The following NAP1L4 variants were observed in gnomAD, a reference collection of about 807,000 sequenced individuals.
NAP1L4 encodes nucleosome assembly protein 1-like 4.
NAP1L4 carries 15 observed loss-of-function variants against 58.2 expected under a neutral mutation model. That is an observed-to-expected ratio of 0.26 (90% CI 0.17 to 0.40). NAP1L4 has a LOEUF of 0.40. Among genes scored for constraint, NAP1L4 ranks in the 10% least tolerant of loss-of-function variants. The pLI is 1.00. For synonymous variants in NAP1L4, 171 were observed against 155.6 expected (o/e 1.10, Z -0.74); for missense variants, 384 against 451.1 (o/e 0.85, Z 1.35).
intron 7 of NAP1L4, among the ~76,000 whole-genome samples, chr11:2,966,153 A>C (rs1357759386): frequency 6.6e-6 from 1 of 152,152 alleles, no homozygotes; most frequent in African/African-American, 2.4e-5. Flanking sequence ...AGTTGCATTA[A>C]GTTTTTCTTA....
At chr11:2,968,347 G>A (rs1286959686) in intron 7 of NAP1L4, among the ~76,000 whole-genome samples, 2 of 152,140 alleles carry the variant, frequency 1.3e-5, no homozygotes, top group Middle Eastern at 3.2e-3. Context: ...TGAGACTACG[G>A]CTCTGGTAGA....
chr11:2,988,116 G>C lies in NAP1L4; in HGVS notation c.-18+4138C>G, dbSNP rs61871248. On this transcript the variant is annotated intron_variant, in intron 1 of 15. Transcript: ENST00000380542. ...AGACTGTCTCTTCAGAGACTTCTGC[G>C]GTGCCAAGCCCTGGGGTTTCAAGAA... 3.9e-5 allele frequency: 6 copies of C among 152,196 alleles called. No individual in the cohort carries two copies. In the East Asian group the frequency reaches 9.6e-4, roughly 24 times the overall value. 9.4% of individuals were successfully genotyped at this position (152,196 alleles called of 1,614,324 possible).
intron 4 of NAP1L4, among the ~76,000 whole-genome samples, chr11:2,974,987 G>C (rs373209770): frequency 1.3e-5 from 2 of 151,994 alleles, no homozygotes; most frequent in African/African-American, 4.8e-5. Flanking sequence ...CTGGATGACA[G>C]AGCAAGAGTC....
Position 2,964,687 on chromosome 11 carries a change from TGTC to T in NAP1L4, c.596_598del (p.Gly199_Gln200delinsGlu). ...GGTCAAGTCAGTACTCACCATAGGC[TGTC>T]CAGGGTCAGAAAATTTCACTTTAAT... On this transcript the variant is annotated inframe_deletion, in exon 8 of 16. Coordinates refer to ENST00000380542, the MANE Select transcript of NAP1L4 (RefSeq NM_005969.4). The T allele has an allele frequency of 6.2e-7, 1 of 1,613,708 alleles. No individual in the cohort carries two copies. Among genetic ancestry groups the T allele is most frequent in the South Asian group, 1.1e-5 (1 of 91,064 alleles).
rs1846498893 is a variant in NAP1L4, at chr11:2,955,722, G to C, written c.915+22C>G. The C allele has an allele frequency of 1.2e-6, 2 of 1,608,184 alleles. No individual in the cohort carries two copies. Among genetic ancestry groups the C allele is most frequent in the Non-Finnish European group, 1.7e-6 (2 of 1,175,886 alleles). ...AGGAGAGACTTCAACAGGAAAATAAGACTATTAACAACAAATCTTACCAGT... is the reference window on the plus strand; with the variant it reads ...AGGAGAGACTTCAACAGGAAAATAACACTATTAACAACAAATCTTACCAGT... On this transcript the variant is annotated intron_variant, in intron 11 of 15. Coordinates refer to ENST00000380542, the MANE Select transcript of NAP1L4 (RefSeq NM_005969.4). This position sits in a 1 kb window ranked among gnomAD's most constrained non-coding sequence, Gnocchi z 4.2.
intron 6 of NAP1L4, 84 bp from the exon 7 acceptor site, chr11:2,970,018 C>T: frequency 7.2e-7 from 1 of 1,383,906 alleles, no homozygotes. Flanking sequence ...GTTGCCGAAT[C>T]CTCTACTATC....
chr11:2,984,797 ACAG>A (rs5789282), intron 1 of NAP1L4, among the ~76,000 whole-genome samples: 41,230 of 151,776 alleles, frequency 0.27, 7,367 homozygotes, highest in East Asian at 0.67. Flanking sequence ...CTAGTACATA[ACAG>A]CAGGCCAGGT....
rs551463175 is a variant in NAP1L4, at chr11:2,975,065, T to TG, written c.173+958dup. ...TCGTAATAGCCCTGGCAGTCCTGAC[T>TG]GGGGAAACCAGCTGGAAGGTGGGGC... is the stretch of plus-strand genomic sequence containing the variant. On this transcript the variant is annotated intron_variant, in intron 4 of 15. Coordinates refer to ENST00000380542, the MANE Select transcript of NAP1L4 (RefSeq NM_005969.4). Among the ~76,000 whole-genome samples the TG allele has an allele frequency of 2.7e-3, 408 of 151,562 alleles. 2 individuals carry two copies. Among genetic ancestry groups the TG allele is most frequent in the African/African-American group, 9.1e-3 (374 of 41,276 alleles).
intron 4 of NAP1L4, among the ~76,000 whole-genome samples, chr11:2,975,152 T>A (rs199956677): frequency 2.1e-5 from 3 of 142,518 alleles, no homozygotes; most frequent in Non-Finnish European, 1.5e-5. Flanking sequence ...CTCATCCCTT[T>A]AAAAAAAAAA....
Position 2,991,780 on chromosome 11 carries a change from C to T in NAP1L4, c.-18+474G>A, listed in dbSNP as rs181446407. ...TTCCTAAACATCTAATAAAGAAGTCCTGGACGTCTCCACCTTAAAAACGGG... is the reference window on the plus strand; with the variant it reads ...TTCCTAAACATCTAATAAAGAAGTCTTGGACGTCTCCACCTTAAAAACGGG... On this transcript the variant is annotated intron_variant, in intron 1 of 15. Coordinates refer to ENST00000380542, the MANE Select transcript of NAP1L4 (RefSeq NM_005969.4). 6 of 152,414 alleles carry T rather than the reference C, an allele frequency of 3.9e-5. No homozygotes were observed. The East Asian group carries it at 1.2e-3, about 29-fold the overall frequency. The allele number at this position is 152,414 out of a possible 1,614,324, so 9.4% of individuals were successfully genotyped here. A position where few individuals can be genotyped will look rare whatever the true frequency, so the allele number is the denominator to read the frequency against.
intron 8 of NAP1L4, chr11:2,963,833 C>T (rs764132781): frequency 1.9e-6 from 1 of 519,286 alleles, no homozygotes; most frequent in South Asian, 1.4e-5. Flanking sequence ...GCTGGAAATG[C>T]TATTGCACCG....
intron 10 of NAP1L4, among the ~76,000 whole-genome samples, chr11:2,956,596 A>G (rs1846555253): frequency 6.6e-6 from 1 of 152,186 alleles, no homozygotes; most frequent in Non-Finnish European, 1.5e-5. Flanking sequence ...TTGGGTGCGT[A>G]AACACCACCC....
chr11:2,965,937 T>C (rs1429162357), intron 7 of NAP1L4, among the ~76,000 whole-genome samples: 1 of 152,152 alleles, frequency 6.6e-6, no homozygotes, highest in Non-Finnish European at 1.5e-5. Context: ...TTCTTATCTG[T>C]GTCTGTATCA....
intron 6 of NAP1L4, among the ~76,000 whole-genome samples, chr11:2,970,425 A>T (rs1360364372): frequency 7.1e-6 from 1 of 141,810 alleles, no homozygotes; most frequent in Non-Finnish European, 1.5e-5. Flanking sequence ...AAGTTGAAAT[A>T]AAAAAAAAAA....
At position 2,956,754 on chromosome 11, in the gene NAP1L4, C is replaced by T. The variant is rs76898699; in HGVS notation, c.893-988G>A. On this transcript the variant is annotated intron_variant, in intron 10 of 15. Coordinates refer to ENST00000380542, the MANE Select transcript of NAP1L4 (RefSeq NM_005969.4). ...CCAAGTCATGAATAGTACAAGGACT[C>T]TGAACACTCATACTTCTGGACTGGC... Among the ~76,000 whole-genome samples the T allele has an allele frequency of 2.9e-3, 436 of 152,360 alleles. 1 individual carries two copies. Among genetic ancestry groups the T allele is most frequent in the African/African-American group, 8.7e-3 (363 of 41,584 alleles).
At chr11:2,961,321 T>A (rs1409972942) in intron 8 of NAP1L4, among the ~76,000 whole-genome samples, 3 of 152,068 alleles carry the variant, frequency 2.0e-5, no homozygotes, top group Non-Finnish European at 4.4e-5. Flanking sequence ...CAGCAGGATC[T>A]GGCTAGGAGC....
chr11:2,969,714 A>G, intron 7 of NAP1L4, 89 bp downstream of exon 7: 1 of 1,424,138 alleles, frequency 7.0e-7, no homozygotes, highest in Admixed American at 2.4e-5. Flanking sequence ...CAATCTTTCA[A>G]TGCCCAGTGT....
intron 1 of NAP1L4, among the ~76,000 whole-genome samples, chr11:2,986,646 G>T (rs532399874): frequency 3.5e-5 from 4 of 112,684 alleles, no homozygotes; most frequent in South Asian, 5.3e-4. Flanking sequence ...TTTTTTTTGA[G>T]ATAGAGTTTC....
Position 2,949,138 on chromosome 11 carries a change from C to G in NAP1L4, c.*32+89G>C. On this transcript the variant is annotated intron_variant, in intron 15 of 15. Transcript: ENST00000380542. The surrounding 1 kb of genome is among the most constrained non-coding windows in gnomAD (Gnocchi z 4.0). ...CACAGTGAGTGTACCTGGACAGCAACTCCCTCTTTATTCAAAGTCAAAACA... is the reference window on the plus strand; with the variant it reads ...CACAGTGAGTGTACCTGGACAGCAAGTCCCTCTTTATTCAAAGTCAAAACA... 9.7e-7 allele frequency: 1 copy of G among 1,027,850 alleles called. No individual in the cohort carries two copies. The highest frequency in any genetic ancestry group is 1.5e-5 in the South Asian group (1 of 68,702). 63.7% of individuals were successfully genotyped at this position (1,027,850 alleles called of 1,614,324 possible).
Sources: allele counts gnomAD v4.1 joint callset (sites outside exome capture counted in the v4.1 genomes callset), GRCh38; gene constraint gnomAD v4.1.1; non-coding constraint Gnocchi (gnomAD v3.1); transcripts MANE v1.5; gene names NCBI Gene and HGNC (gene_info 2026-07-23, HGNC 2026-07-21).